FOXN3: variants seen among roughly 807,000 people sequenced by gnomAD.
FOXN3 encodes the protein forkhead box N3.
A neutral mutation model predicts 38.4 loss-of-function variants in FOXN3; 7 were observed. The observed-to-expected ratio is 0.18, with a 90% confidence interval of 0.10 to 0.34. The LOEUF (loss-of-function observed/expected upper bound fraction) is 0.34, where lower values mean the gene tolerates loss of function less well. Ranked by LOEUF, FOXN3 falls within the 10% of genes least tolerant of loss-of-function variation. The pLI, the probability that FOXN3 is intolerant of heterozygous loss-of-function variation, is 1.00. For synonymous variants in FOXN3, 230 were observed against 242.2 expected (o/e 0.95, Z 0.47); for missense variants, 456 against 613.4 (o/e 0.74, Z 2.71).
chr14:89,481,457 C>T (rs1026398359), intron 1 of FOXN3, among the ~76,000 whole-genome samples: 3 of 152,068 alleles, frequency 2.0e-5, no homozygotes, highest in African/African-American at 7.2e-5. Context: ...TGGCTCACGG[C>T]TGGAACTTTC....
chr14:89,337,506 A>G (rs1408971621), intron 3 of FOXN3, among the ~76,000 whole-genome samples: 1 of 152,216 alleles, frequency 6.6e-6, no homozygotes, highest in African/African-American at 2.4e-5. Context: ...TTACCTTTCA[A>G]GTGCCAGTTC....
intron 5 of FOXN3, among the ~76,000 whole-genome samples, chr14:89,177,005 C>T (rs948118646): frequency 9.6e-5 from 12 of 124,964 alleles, no homozygotes; most frequent in African/African-American, 3.3e-4. Context: ...CTCTCTCTTT[C>T]TTTCTTTTTT....
At chr14:89,241,033 T>C in intron 4 of FOXN3, among the ~76,000 whole-genome samples, 1 of 152,178 alleles carries the variant, frequency 6.6e-6, no homozygotes. Flanking sequence ...CCAGTGATTT[T>C]ATTAGTTAGC....
At chr14:89,190,321 G>A (rs574613666) in intron 4 of FOXN3, 6 of 1,260,554 alleles carry the variant, frequency 4.8e-6, no homozygotes, top group South Asian at 2.5e-5. Flanking sequence ...ATGACCTGGT[G>A]TATAAATGAG....
At chr14:89,281,790 G>C (rs2139919025) in intron 3 of FOXN3, among the ~76,000 whole-genome samples, 1 of 152,200 alleles carries the variant, frequency 6.6e-6, no homozygotes, top group East Asian at 1.9e-4. Flanking sequence ...ATCAAGGATT[G>C]GTTTAGATTA....
At chr14:89,319,739 C>A (rs1448971603) in intron 3 of FOXN3, among the ~76,000 whole-genome samples, 1 of 152,128 alleles carries the variant, frequency 6.6e-6, no homozygotes, top group Non-Finnish European at 1.5e-5. Context: ...TGATGTAGCT[C>A]CATTTTATAC....
intron 1 of FOXN3, among the ~76,000 whole-genome samples, chr14:89,473,381 G>GC (rs1893146959): frequency 6.9e-6 from 1 of 145,050 alleles, no homozygotes; most frequent in South Asian, 2.2e-4. Flanking sequence ...ACTCCACAAC[G>GC]CTTTTTTTTT....
intron 1 of FOXN3, among the ~76,000 whole-genome samples, chr14:89,594,151 A>G (rs1896010303): frequency 6.6e-6 from 1 of 152,216 alleles, no homozygotes; most frequent in Admixed American, 6.5e-5. Flanking sequence ...AGCTTTTATC[A>G]ATAATGCTGC....
At chr14:89,309,597 A>T (rs1471707915) in intron 3 of FOXN3, among the ~76,000 whole-genome samples, 1 of 152,148 alleles carries the variant, frequency 6.6e-6, no homozygotes, top group Non-Finnish European at 1.5e-5. Flanking sequence ...TGAGGGGGAG[A>T]TGCACTTTAG....
intron 1 of FOXN3, among the ~76,000 whole-genome samples, chr14:89,607,484 G>A (rs1243251035): frequency 4.0e-5 from 6 of 151,594 alleles, no homozygotes; most frequent in South Asian, 4.2e-4. Context: ...GCTTGGACTC[G>A]GGAGATGGGG....
intron 1 of FOXN3, among the ~76,000 whole-genome samples, chr14:89,532,376 T>G (rs1271763020): frequency 6.6e-6 from 1 of 152,190 alleles, no homozygotes; most frequent in Non-Finnish European, 1.5e-5. Context: ...TACACAAACA[T>G]AGAAGCTTTC....
intron 4 of FOXN3, among the ~76,000 whole-genome samples, chr14:89,225,127 C>CAAA (rs35426984): frequency 0.029 from 2,960 of 102,176 alleles, 60 homozygotes; most frequent in Middle Eastern, 0.056. Flanking sequence ...GACTCCATCT[C>CAAA]AAAAAAAAAA....
intron 1 of FOXN3, among the ~76,000 whole-genome samples, chr14:89,474,976 C>T (rs1219375141): frequency 3.9e-5 from 6 of 152,078 alleles, no homozygotes; most frequent in Non-Finnish European, 7.4e-5. Flanking sequence ...CCACCACGCC[C>T]GGCTAATTTT....
intron 3 of FOXN3, chr14:89,290,405 T>C (rs1391392082): frequency 1.1e-5 from 4 of 367,606 alleles, no homozygotes; most frequent in Non-Finnish European, 2.1e-5. Context: ...CTCTCCCCAT[T>C]ACCTGGATTT....
intron 2 of FOXN3, among the ~76,000 whole-genome samples, chr14:89,386,495 A>G (rs2140072388): frequency 6.6e-6 from 1 of 152,376 alleles, no homozygotes; most frequent in Admixed American, 6.5e-5. Flanking sequence ...AGGGGAACTT[A>G]GCAAGTAACT....
Position 89,162,729 on chromosome 14 carries a change from G to T in FOXN3, c.1092C>A (p.Ser364Arg), listed in dbSNP as rs770769761. The stretch of plus-strand genomic sequence containing the variant: ...CTTCCGTGTCGCTGGGGCTCTCGTG[G>T]CTCCGGAAGCTCCCCTCGCTGCCCT... Reference protein sequence around the residue: ...GSEGSEGSFRSHESPSDTEED... With the variant: ...GSEGSEGSFRRHESPSDTEED... The change falls in exon 6 of 6, where the codon AGC becomes AGA. Residue 364 changes from serine (S) to arginine (R), a missense_variant. This residue lies in a region of FOXN3 where 386 missense variants were observed against 505.2 expected (regional missense o/e 0.76). Transcript: ENST00000557258. This position sits in a 1 kb window ranked among gnomAD's most constrained non-coding sequence, Gnocchi z 7.2. The T allele has an allele frequency of 9.9e-6, 16 of 1,613,738 alleles. No homozygotes were observed. The highest frequency in any genetic ancestry group is 3.3e-4 in the Middle Eastern group (2 of 6,080).
intron 1 of FOXN3, among the ~76,000 whole-genome samples, chr14:89,468,191 C>A (rs191290828): frequency 1.3e-4 from 20 of 151,962 alleles, no homozygotes; most frequent in African/African-American, 4.6e-4. Flanking sequence ...CAGTGACTCA[C>A]TTCTGTAATC....
intron 3 of FOXN3, among the ~76,000 whole-genome samples, chr14:89,344,516 A>C (rs1227184238): frequency 2.0e-5 from 3 of 152,200 alleles, no homozygotes; most frequent in Non-Finnish European, 4.4e-5. Context: ...CTGGAAACTG[A>C]CTTTGGATTG....
At chr14:89,499,310 AC>A (rs1183007529) in intron 1 of FOXN3, among the ~76,000 whole-genome samples, 1 of 152,094 alleles carries the variant, frequency 6.6e-6, no homozygotes, top group East Asian at 1.9e-4. Context: ...TAAGATGAAT[AC>A]AGGCCTGAGA....
Sources: gnomAD v4.1 joint callset for allele counts (sites outside exome capture counted in the v4.1 genomes callset) on GRCh38, gnomAD v4.1.1 for gene constraint, gnomAD v4.1.1 regional missense constraint, Gnocchi (gnomAD v3.1) non-coding constraint, MANE v1.5 for transcripts, NCBI Gene and HGNC (gene_info 2026-07-23, HGNC 2026-07-21) for gene names.